Variants in LAMTOR3 observed in about 807,000 individuals in gnomAD.
The protein encoded by LAMTOR3 is late endosomal/lysosomal adaptor, MAPK and MTOR activator 3, also known as ragulator complex protein LAMTOR3.
LAMTOR3 carries 14 observed loss-of-function variants against 20.3 expected under a neutral mutation model. The ratio of observed to expected loss-of-function variants is 0.69; its 90% CI spans 0.46 to 1.08. LAMTOR3 has a LOEUF of 1.08. Among genes scored for constraint, LAMTOR3 ranks in the 50% least tolerant of loss-of-function variants. LAMTOR3 has a pLI of 0.00. For synonymous variants in LAMTOR3, 40 were observed against 49.4 expected (o/e 0.81, Z 0.80); for missense variants, 125 against 143.7 (o/e 0.87, Z 0.67).
chr4:99,883,062 T>G (rs951401063), intron 6 of LAMTOR3, among the ~76,000 whole-genome samples: 2 of 152,092 alleles, frequency 1.3e-5, no homozygotes, highest in African/African-American at 4.8e-5. Flanking sequence ...TAACAACTGG[T>G]GACTTAGTAT....
chr4:99,885,579 T>C lies in LAMTOR3; in HGVS notation c.200A>G (p.Lys67Arg). 6.2e-7 allele frequency: 1 copy of C among 1,613,312 alleles called. No homozygotes were observed. Among genetic ancestry groups the C allele is most frequent in the Non-Finnish European group, 8.5e-7 (1 of 1,179,624 alleles). Residue 67 changes from lysine to arginine, a missense_variant, in exon 5 of 7, where the codon AAA (lysine) becomes AGA (arginine). Physicochemically the swap from Lys to Arg is conservative, Grantham distance 26. Coordinates refer to ENST00000499666, the MANE Select transcript of LAMTOR3 (RefSeq NM_021970.4). ...ATAGTAACAGATGATACTTTTATTTTTGGAAAGTCCAAGTTTGCTTCCTTG... is the reference window on the plus strand; with the variant it reads ...ATAGTAACAGATGATACTTTTATTTCTGGAAAGTCCAAGTTTGCTTCCTTG... ...TDQGSKLGLS[K>R]NKSIICYYNT...
chr4:99,888,084 G>A (rs999909292), intron 3 of LAMTOR3, among the ~76,000 whole-genome samples: 2 of 152,174 alleles, frequency 1.3e-5, no homozygotes, highest in South Asian at 4.1e-4. Context: ...CCATGCTTAC[G>A]TAAGAAGTAG....
Position 99,887,280 on chromosome 4 carries a change from A to T in LAMTOR3, c.103+16T>A. The T allele has an allele frequency of 1.3e-6, 2 of 1,530,540 alleles. No individual in the cohort carries two copies. Among genetic ancestry groups the T allele is most frequent in the Non-Finnish European group, 1.8e-6 (2 of 1,124,866 alleles). 94.8% of individuals were successfully genotyped at this position (1,530,540 alleles called of 1,614,324 possible). On this transcript the variant is annotated intron_variant, in intron 4 of 6. Coordinates refer to ENST00000499666, the MANE Select transcript of LAMTOR3 (RefSeq NM_021970.4). ...AAAAGCAAAGAAGACATTTGCATTT[A>T]AATGTTCAGTTTTACCTTTAATAAC... is the stretch of plus-strand genomic sequence containing the variant.
Position 99,885,525 on chromosome 4 carries a change from T to C in LAMTOR3, c.237+17A>G, listed in dbSNP as rs770675182. The C allele has an allele frequency of 4.4e-6, 7 of 1,573,476 alleles. No individual in the cohort carries two copies. The South Asian group carries it at 4.7e-5, about 11-fold the overall frequency. On this transcript the variant is annotated intron_variant, in intron 5 of 6. Transcript: ENST00000499666. ...GACAACTGAAATCAGCAAATCATTT[T>C]ATAATTATGAACTTACCTGGTAGGT... is the stretch of plus-strand genomic sequence containing the variant.
Position 99,894,017 on chromosome 4 carries a change from C to T in LAMTOR3, c.-37-17G>A. The T allele has an allele frequency of 6.7e-7, 1 of 1,483,502 alleles. No homozygotes were observed. The allele number at this position is 1,483,502 out of a possible 1,614,324, so 91.9% of individuals were successfully genotyped here. A position where few individuals can be genotyped will look rare whatever the true frequency, so the allele number is the denominator to read the frequency against. ...TCTCCACGCCTGGAAGAGAAACTCC[C>T]GGTGACTCTTCCCTCTTTGGCTTCC... On this transcript the variant is annotated splice_polypyrimidine_tract_variant and intron_variant, in intron 1 of 6. Coordinates refer to ENST00000499666, the MANE Select transcript of LAMTOR3 (RefSeq NM_021970.4).
chr4:99,880,411 G>GTC lies in LAMTOR3; in HGVS notation c.*1582_*1583insGA, dbSNP rs1491301472. On this transcript the variant is annotated 3_prime_UTR_variant, in exon 7 of 7. Coordinates refer to ENST00000499666, the MANE Select transcript of LAMTOR3 (RefSeq NM_021970.4). ...AGTTCAAGACCAGCCTGGCCAACAT[G>GTC]GTGAATTCCTGTCTCTACTAAAAAT... The GTC allele has an allele frequency of 0.045, 6,893 of 152,110 alleles. 224 individuals carry two copies. Among genetic ancestry groups the GTC allele is most frequent in the Middle Eastern group, 0.12 (34 of 294 alleles). 9.4% of individuals were successfully genotyped at this position (152,110 alleles called of 1,614,324 possible). A position where few individuals can be genotyped will look rare whatever the true frequency, so the allele number is the denominator to read the frequency against.
rs755257512 is a variant in LAMTOR3, at chr4:99,887,301, A to G, written c.98T>C (p.Ile33Thr). The G allele has an allele frequency of 1.3e-6, 2 of 1,565,816 alleles. No homozygotes were observed. The highest frequency in any genetic ancestry group is 1.4e-5 in the African/African-American group (1 of 72,656). Residue 33 changes from isoleucine to threonine, a missense_variant, in exon 4 of 7, where the codon ATT (isoleucine) becomes ACT (threonine). Ile to Thr is a moderately conservative substitution (Grantham distance 89, BLOSUM62 -1). Around this residue, in one of 3 missense-constraint regions of LAMTOR3, gnomAD observed 99 missense variants for 96.0 expected, o/e 1.03. Coordinates refer to ENST00000499666, the MANE Select transcript of LAMTOR3 (RefSeq NM_021970.4). Reference sequence around the variant, plus strand: ...ATTTAAATGTTCAGTTTTACCTTTAATAACAGGTACTCCATCTCTATCTGA... The same window carrying G: ...ATTTAAATGTTCAGTTTTACCTTTAGTAACAGGTACTCCATCTCTATCTGA... ...VVSDRDGVPV[I>T]KVANDNAPEH...
At chr4:99,882,112 C>T in intron 6 of LAMTOR3, 45 bp from the exon 7 acceptor site, 1 of 1,215,758 alleles carries the variant, frequency 8.2e-7, no homozygotes, top group Non-Finnish European at 1.2e-6. Flanking sequence ...AAAAATGTTC[C>T]TCAAAGCCTG....
At chr4:99,887,141 A>C (rs992034429) in intron 4 of LAMTOR3, among the ~76,000 whole-genome samples, 155 bp downstream of exon 4, 2 of 152,188 alleles carry the variant, frequency 1.3e-5, no homozygotes, top group African/African-American at 2.4e-5. Flanking sequence ...TCAACCTTCA[A>C]CATACAAAAG....
rs1450642203 is a variant in LAMTOR3 at position 99,878,605 on chromosome 4, A to AT, written c.*3388dup. On this transcript the variant is annotated 3_prime_UTR_variant, in exon 7 of 7. Coordinates refer to ENST00000499666, the MANE Select transcript of LAMTOR3 (RefSeq NM_021970.4). ...TACAAACAAATAGGAATACATACACATTTTTTCTTCTTATACATCAATTGT... is the reference window on the plus strand; with the variant it reads ...TACAAACAAATAGGAATACATACACATTTTTTTCTTCTTATACATCAATTGT... 2.0e-5 allele frequency: 3 copies of AT among 152,054 alleles called. No individual in the cohort carries two copies. Among genetic ancestry groups the AT allele is most frequent in the Admixed American group, 6.6e-5 (1 of 15,260 alleles). The allele number at this position is 152,054 out of a possible 1,614,324, so 9.4% of individuals were successfully genotyped here. A position where few individuals can be genotyped will look rare whatever the true frequency, so the allele number is the denominator to read the frequency against.
intron 2 of LAMTOR3, among the ~76,000 whole-genome samples, chr4:99,892,968 C>G (rs967977333): frequency 6.6e-6 from 1 of 152,138 alleles, no homozygotes; most frequent in Admixed American, 6.5e-5. Flanking sequence ...ACGTGAGCCA[C>G]CGCGCCCAGC....
chr4:99,891,039 G>A (rs1725012488), intron 3 of LAMTOR3, among the ~76,000 whole-genome samples: 1 of 152,124 alleles, frequency 6.6e-6, no homozygotes, highest in South Asian at 2.1e-4. Flanking sequence ...AGATCTCCAG[G>A]TGACTAATGA....
rs1560717358 is a variant in LAMTOR3, at chr4:99,879,931, A to ACTACACACCTAGGCTATATGGTATAGC, written c.*2062_*2063insGCTATACCATATAGCCTAGGTGTGTAG. ...ACACCTAGGCTATATGGTATAGCCT[A>ACTACACACCTAGGCTATATGGTATAGC]CTACTACACACCTAGGCTATATGGT... On this transcript the variant is annotated 3_prime_UTR_variant, in exon 7 of 7. Coordinates refer to ENST00000499666, the MANE Select transcript of LAMTOR3 (RefSeq NM_021970.4). 1 of 129,558 alleles carries ACTACACACCTAGGCTATATGGTATAGC rather than the reference A, an allele frequency of 7.7e-6. No homozygotes were observed. The highest frequency in any genetic ancestry group is 2.3e-4 in the East Asian group (1 of 4,332). 8.0% of individuals were successfully genotyped at this position (129,558 alleles called of 1,614,324 possible). A position where few individuals can be genotyped will look rare whatever the true frequency, so the allele number is the denominator to read the frequency against.
At position 99,881,742 on chromosome 4, in the gene LAMTOR3, T is replaced by G; in HGVS notation, c.*252A>C. On this transcript the variant is annotated 3_prime_UTR_variant, in exon 7 of 7. Transcript: ENST00000499666. ...ATATCTGGTGACCAGACTAACTCCA[T>G]GGGAGCTGTGATAGACTGAACCATT... The G allele has an allele frequency of 2.4e-6, 1 of 413,732 alleles. No homozygotes were observed. Among genetic ancestry groups the G allele is most frequent in the Non-Finnish European group, 4.3e-6 (1 of 232,438 alleles). 25.6% of individuals were successfully genotyped at this position (413,732 alleles called of 1,614,324 possible). A position where few individuals can be genotyped will look rare whatever the true frequency, so the allele number is the denominator to read the frequency against.
intron 4 of LAMTOR3, among the ~76,000 whole-genome samples, chr4:99,886,687 G>A (rs1724931246): frequency 6.6e-6 from 1 of 152,034 alleles, no homozygotes. Context: ...AACTCCAGGT[G>A]GAAAATTGTA....
chr4:99,887,122 G>T (rs920656575), intron 4 of LAMTOR3, among the ~76,000 whole-genome samples, 174 bp downstream of exon 4: 1 of 152,100 alleles, frequency 6.6e-6, no homozygotes, highest in African/African-American at 2.4e-5. Flanking sequence ...ATACATTGTA[G>T]ATTCAAATTC....
At chr4:99,887,054 G>A (rs1724941994) in intron 4 of LAMTOR3, among the ~76,000 whole-genome samples, 1 of 151,978 alleles carries the variant, frequency 6.6e-6, no homozygotes, top group Admixed American at 6.6e-5. Context: ...ATGGGAAATG[G>A]GTCTGTGATA....
rs1393873756 is a variant in LAMTOR3, at chr4:99,878,596, T to C, written c.*3398A>G. 1 of 152,170 alleles carries C rather than the reference T, an allele frequency of 6.6e-6. No homozygotes were observed. The highest frequency in any genetic ancestry group is 1.9e-4 in the East Asian group (1 of 5,194). 9.4% of individuals were successfully genotyped at this position (152,170 alleles called of 1,614,324 possible). A position where few individuals can be genotyped will look rare whatever the true frequency, so the allele number is the denominator to read the frequency against. On this transcript the variant is annotated 3_prime_UTR_variant, in exon 7 of 7. Transcript: ENST00000499666. ...TCTACCATATACAAACAAATAGGAATACATACACATTTTTTCTTCTTATAC... is the reference window on the plus strand; with the variant it reads ...TCTACCATATACAAACAAATAGGAACACATACACATTTTTTCTTCTTATAC...
chr4:99,885,575 A>G lies in LAMTOR3; in HGVS notation c.204T>C (p.Asn68=). The G allele has an allele frequency of 6.2e-7, 1 of 1,613,170 alleles. No homozygotes were observed. The highest frequency in any genetic ancestry group is 2.2e-5 in the East Asian group (1 of 44,838). Residue 68 remains asparagine (N), a synonymous_variant, in exon 5 of 7, where the codon AAT becomes AAC. Transcript: ENST00000499666. The part of the protein sequence containing the change: ...DQGSKLGLSK[N]KSIICYYNTY... ...TGTTATAGTAACAGATGATACTTTT[A>G]TTTTTGGAAAGTCCAAGTTTGCTTC...
Sources: allele counts gnomAD v4.1 joint callset (sites outside exome capture counted in the v4.1 genomes callset), GRCh38; gene constraint gnomAD v4.1.1; regional missense constraint gnomAD v4.1.1; transcripts MANE v1.5; gene names NCBI Gene and HGNC (gene_info 2026-07-23, HGNC 2026-07-21).